The following STXBP5L variants were observed in gnomAD, a reference collection of about 807,000 sequenced individuals.
The protein encoded by STXBP5L is syntaxin binding protein 5L, also known as syntaxin-binding protein 5-like.
Under a neutral mutation model 144.5 loss-of-function variants are expected in STXBP5L, and 65 were observed. The observed-to-expected ratio is 0.45, with a 90% CI of 0.37 to 0.55. STXBP5L has a LOEUF of 0.55. STXBP5L is among the 20% of genes least tolerant of loss of function. The pLI, the probability that STXBP5L is intolerant of heterozygous loss-of-function variation, is 0.00. For missense variants in STXBP5L, 1,298 were observed against 1,405.5 expected, an observed-to-expected ratio of 0.92 and a Z score of 1.22; for synonymous variants, 505 against 469.6, an observed-to-expected ratio of 1.08 and a Z score of -0.97.
chr3:121,249,345 A>ATAATATATATAT (rs1292467889), intron 14 of STXBP5L, among the ~76,000 whole-genome samples: 1 of 152,142 alleles, frequency 6.6e-6, no homozygotes, highest in Non-Finnish European at 1.5e-5. Flanking sequence ...ACAATTATCA[A>ATAATATATATAT]TAATATATAT....
chr3:121,227,155 A>G (rs1421901725), intron 11 of STXBP5L, among the ~76,000 whole-genome samples: 7 of 152,340 alleles, frequency 4.6e-5, no homozygotes, highest in Admixed American at 6.5e-5. Context: ...CCTTTGTTCA[A>G]TAGAGGATAC....
intron 3 of STXBP5L, among the ~76,000 whole-genome samples, chr3:121,028,689 G>A (rs9860063): frequency 0.099 from 15,106 of 151,886 alleles, 1,189 homozygotes; most frequent in Admixed American, 0.2. Context: ...TCTGGTAGTA[G>A]CAAAGAAAAT....
At chr3:120,953,084 G>C (rs886512407) in intron 2 of STXBP5L, among the ~76,000 whole-genome samples, 6 of 151,912 alleles carry the variant, frequency 3.9e-5, no homozygotes, top group Non-Finnish European at 2.9e-5. Flanking sequence ...ACAGGTGCAA[G>C]TCACTGCACC....
intron 3 of STXBP5L, among the ~76,000 whole-genome samples, chr3:120,975,259 G>A (rs371634905): frequency 4.6e-5 from 7 of 152,046 alleles, no homozygotes; most frequent in East Asian, 3.9e-4. Context: ...GGTCCTTCAC[G>A]TCCCTTGTAA....
intron 19 of STXBP5L, among the ~76,000 whole-genome samples, chr3:121,303,052 G>C (rs2051986606): frequency 6.6e-6 from 1 of 152,162 alleles, no homozygotes. Flanking sequence ...AAGCTAAAGA[G>C]CTTCTGCACA....
At position 121,145,681 on chromosome 3, in the gene STXBP5L, A is replaced by G. The variant is rs115537449; in HGVS notation, c.670-6796A>G. 5.9e-3 allele frequency among the ~76,000 whole-genome samples: 901 copies of G among 152,162 alleles called. 7 individuals are homozygous for G. Among genetic ancestry groups the G allele is most frequent in the African/African-American group, 0.02 (830 of 41,560 alleles). ...TATAAAAATAATAATGACTTCTTGC[A>G]GTGTAATATATTGAGAATTATGATA... On this transcript the variant is annotated intron_variant, in intron 7 of 26. Transcript: ENST00000471454.
chr3:121,310,841 G>A (rs1441936409), intron 19 of STXBP5L, among the ~76,000 whole-genome samples: 2 of 150,500 alleles, frequency 1.3e-5, no homozygotes, highest in East Asian at 4.0e-4. Context: ...GCTGGGAGGT[G>A]AAGGTTGCAG....
At chr3:120,971,443 CTA>C (rs574070787) in intron 3 of STXBP5L, among the ~76,000 whole-genome samples, 239 of 151,936 alleles carry the variant, frequency 1.6e-3, no homozygotes, top group Non-Finnish European at 2.9e-3. Context: ...CTCTGTGTGT[CTA>C]TGTGTACCCA....
intron 19 of STXBP5L, among the ~76,000 whole-genome samples, chr3:121,307,215 A>T (rs1411031024): frequency 6.6e-6 from 1 of 152,218 alleles, no homozygotes; most frequent in Non-Finnish European, 1.5e-5. Flanking sequence ...CCCAGAAGTG[A>T]TACAATATAT....
chr3:121,161,240 CTTT>C (rs202218213), intron 9 of STXBP5L, among the ~76,000 whole-genome samples: 1 of 138,974 alleles, frequency 7.2e-6, no homozygotes, highest in East Asian at 2.1e-4. Flanking sequence ...TTTGCTTTTG[CTTT>C]TTTTTTTTTG....
At chr3:121,395,892 G>A (rs944038505) in intron 22 of STXBP5L, among the ~76,000 whole-genome samples, 7 of 152,318 alleles carry the variant, frequency 4.6e-5, no homozygotes, top group East Asian at 1.9e-4. Flanking sequence ...CGTCAGTCTC[G>A]ACATGGCTGC....
chr3:120,953,712 G>A (rs1369883014), intron 2 of STXBP5L, among the ~76,000 whole-genome samples: 1 of 151,950 alleles, frequency 6.6e-6, no homozygotes, highest in Admixed American at 6.6e-5. Flanking sequence ...TAATTTTTTA[G>A]TGTATTTCTT....
chr3:121,005,387 C>T (rs1414774992), intron 3 of STXBP5L, among the ~76,000 whole-genome samples: 14 of 152,112 alleles, frequency 9.2e-5, no homozygotes, highest in South Asian at 2.1e-4. Context: ...TCTGTGTGAA[C>T]GGTGGTGATA....
intron 5 of STXBP5L, among the ~76,000 whole-genome samples, chr3:121,107,083 G>A (rs1207251277): frequency 6.6e-6 from 1 of 151,688 alleles, no homozygotes; most frequent in Non-Finnish European, 1.5e-5. Context: ...CTTTTTAATG[G>A]ATTCTTTGTT....
intron 3 of STXBP5L, among the ~76,000 whole-genome samples, chr3:121,018,231 A>G (rs1945281471): frequency 6.6e-6 from 1 of 152,192 alleles, no homozygotes; most frequent in Non-Finnish European, 1.5e-5. Flanking sequence ...GTGATTCCAA[A>G]GTGTATATGG....
intron 3 of STXBP5L, among the ~76,000 whole-genome samples, chr3:121,026,972 C>A (rs1945995004): frequency 6.6e-6 from 1 of 151,890 alleles, no homozygotes; most frequent in South Asian, 2.1e-4. Flanking sequence ...AGACTTCTTT[C>A]TACATCTGTT....
chr3:120,983,457 G>T (rs1292490091), intron 3 of STXBP5L, among the ~76,000 whole-genome samples: 4 of 152,260 alleles, frequency 2.6e-5, no homozygotes, highest in Admixed American at 1.3e-4. Flanking sequence ...CTGGCCTTGT[G>T]GCTGGGGCAG....
intron 2 of STXBP5L, among the ~76,000 whole-genome samples, chr3:120,922,155 TAG>T (rs879705810): frequency 6.6e-6 from 1 of 152,022 alleles, no homozygotes; most frequent in Non-Finnish European, 1.5e-5. Context: ...TTTTACCTTG[TAG>T]AGATCTTTCA....
At chr3:120,982,867 C>G (rs925169105) in intron 3 of STXBP5L, among the ~76,000 whole-genome samples, 2 of 152,220 alleles carry the variant, frequency 1.3e-5, no homozygotes, top group African/African-American at 4.8e-5. Context: ...ATGCATGAGT[C>G]CTGGTTGGAC....
Sources: gnomAD v4.1 joint callset for allele counts (sites outside exome capture counted in the v4.1 genomes callset) on GRCh38, gnomAD v4.1.1 for gene constraint, MANE v1.5 for transcripts, NCBI Gene and HGNC (gene_info 2026-07-23, HGNC 2026-07-21) for gene names.